ENTPD1: variants seen among roughly 807,000 people sequenced by gnomAD.
The protein encoded by ENTPD1 is ectonucleoside triphosphate diphosphohydrolase 1.
ENTPD1 carries 33 observed loss-of-function variants against 57.0 expected under a neutral mutation model. The ratio of observed to expected loss-of-function variants is 0.58; its 90% CI spans 0.44 to 0.77. The LOEUF (loss-of-function observed/expected upper bound fraction) is 0.77. ENTPD1 is among the 30% of genes least tolerant of loss of function. ENTPD1 has a pLI of 0.00. For missense variants in ENTPD1, 501 were observed against 603.4 expected (o/e 0.83, Z 1.78); for synonymous variants, 202 against 218.8 (o/e 0.92, Z 0.68).
At chr10:95,702,462 A>T in the ENTPD1 span, among the ~76,000 whole-genome samples, 1 of 152,124 alleles carries the variant, frequency 6.6e-6, no homozygotes, top group Admixed American at 6.6e-5. Flanking sequence ...AACATGGGAA[A>T]ATGTGTTGAA....
intron 9 of ENTPD1, 24 bp downstream of exon 9, chr10:95,864,885 G>A (rs770748617): frequency 1.2e-6 from 2 of 1,610,822 alleles, no homozygotes; most frequent in Non-Finnish European, 1.7e-6. Flanking sequence ...CTGTTGGGCT[G>A]GGGGGAGGTT....
chr10:95,873,973 C>T lies in ENTPD1; in HGVS notation c.*7590C>T, dbSNP rs758238167. ...TGATTCAATTACCTCCCACTGCGTC[C>T]CTCCCACAACATGTGGGAATTCTGG... On this transcript the variant is annotated 3_prime_UTR_variant, in exon 10 of 10. Transcript: ENST00000371205. 9.2e-5 allele frequency among the ~76,000 whole-genome samples: 14 copies of T among 152,122 alleles called. No homozygotes were observed. Among genetic ancestry groups the T allele is most frequent in the Non-Finnish European group, 1.5e-4 (10 of 68,028 alleles).
At chr10:95,757,454 C>CT (rs2098032382) in intron 1 of ENTPD1, among the ~76,000 whole-genome samples, 1 of 152,070 alleles carries the variant, frequency 6.6e-6, no homozygotes. Flanking sequence ...TGTTTCTCTG[C>CT]TTTTTCTGGT....
intron 1 of ENTPD1, among the ~76,000 whole-genome samples, chr10:95,740,775 C>G (rs2139874618): frequency 6.6e-6 from 1 of 152,354 alleles, no homozygotes; most frequent in East Asian, 1.9e-4. Context: ...TCACCTTGCG[C>G]TTTTACATTA....
At chr10:95,761,655 A>G (rs1274664852) in intron 1 of ENTPD1, among the ~76,000 whole-genome samples, 3 of 152,196 alleles carry the variant, frequency 2.0e-5, no homozygotes, top group African/African-American at 7.2e-5. Flanking sequence ...GCCAAATCCT[A>G]GAAACTGGAA....
intron 1 of ENTPD1, among the ~76,000 whole-genome samples, chr10:95,815,159 C>T (rs1566187354): frequency 6.6e-6 from 1 of 152,130 alleles, no homozygotes; most frequent in Admixed American, 6.5e-5. Flanking sequence ...AGAATAAGAC[C>T]TTTCCATTTA....
upstream of ENTPD1, chr10:95,753,335 A>C (rs2098015156): frequency 6.6e-6 from 1 of 152,218 alleles, no homozygotes; most frequent in Non-Finnish European, 1.5e-5. Context: ...TAGTATTTTC[A>C]TGATGCTGAG....
At chr10:95,736,671 C>T (rs906926408) in intron 1 of ENTPD1, among the ~76,000 whole-genome samples, 2 of 152,100 alleles carry the variant, frequency 1.3e-5, no homozygotes, top group Non-Finnish European at 2.9e-5. Context: ...TGTAGTTATC[C>T]TCCCAACAGC....
At chr10:95,804,863 A>G (rs1366858509) in intron 1 of ENTPD1, among the ~76,000 whole-genome samples, 1 of 152,160 alleles carries the variant, frequency 6.6e-6, no homozygotes, top group Non-Finnish European at 1.5e-5. Context: ...ATCAATACCT[A>G]GTTTATTGAG....
chr10:95,822,528 C>A (rs1685944867), intron 1 of ENTPD1, among the ~76,000 whole-genome samples: 1 of 152,080 alleles, frequency 6.6e-6, no homozygotes, highest in African/African-American at 2.4e-5. Flanking sequence ...AACTGCTGGC[C>A]TTGAGATCCA....
At chr10:95,802,479 T>C (rs964058507) in intron 1 of ENTPD1, among the ~76,000 whole-genome samples, 4 of 152,130 alleles carry the variant, frequency 2.6e-5, no homozygotes, top group Admixed American at 2.6e-4. Context: ...AAATTATGCG[T>C]TAAGTTCTAG....
chr10:95,868,393 G>A lies in ENTPD1; in HGVS notation c.*2010G>A. ...TAATTTAATATCATTCTGTTCATGT[G>A]CTTTGGATGGAAGCACATCTGGCAT... On this transcript the variant is annotated 3_prime_UTR_variant, in exon 10 of 10. Coordinates refer to ENST00000371205, the MANE Select transcript of ENTPD1 (RefSeq NM_001776.6). The A allele has an allele frequency of 1.0e-6, 1 of 985,420 alleles. No homozygotes were observed. Among genetic ancestry groups the A allele is most frequent in the Non-Finnish European group, 1.2e-6 (1 of 829,930 alleles). 61.0% of individuals were successfully genotyped at this position (985,420 alleles called of 1,614,324 possible).
At chr10:95,845,861 G>T (rs979191251) in intron 6 of ENTPD1, 3 of 518,174 alleles carry the variant, frequency 5.8e-6, no homozygotes, top group Non-Finnish European at 1.0e-5. Flanking sequence ...CCCCTCGTGG[G>T]GTTGATAATG....
intron 7 of ENTPD1, among the ~76,000 whole-genome samples, chr10:95,857,918 T>G (rs772914769): frequency 3.9e-5 from 6 of 151,938 alleles, no homozygotes; most frequent in Non-Finnish European, 7.4e-5. Context: ...TCCCAGCACT[T>G]TGGGAGGCCG....
At chr10:95,813,744 T>C (rs1488337671) in intron 1 of ENTPD1, among the ~76,000 whole-genome samples, 1 of 152,184 alleles carries the variant, frequency 6.6e-6, no homozygotes, top group Admixed American at 6.5e-5. Context: ...ATAGCACATT[T>C]TTCTATAGTA....
chr10:95,711,228 C>G (rs1179065417), upstream of ENTPD1, among the ~76,000 whole-genome samples: 1 of 152,158 alleles, frequency 6.6e-6, no homozygotes, highest in East Asian at 1.9e-4. Context: ...CTGACTGTTC[C>G]AGATTGTTGA....
At chr10:95,749,128 A>G (rs756672077) in intron 1 of ENTPD1, among the ~76,000 whole-genome samples, 36 of 152,202 alleles carry the variant, frequency 2.4e-4, no homozygotes, top group Non-Finnish European at 3.7e-4. Context: ...TGATACCCAA[A>G]TGCTACCAAT....
At chr10:95,726,906 G>C (rs757779261) in intron 1 of ENTPD1, among the ~76,000 whole-genome samples, 6 of 152,026 alleles carry the variant, frequency 3.9e-5, no homozygotes, top group Non-Finnish European at 8.8e-5. Context: ...TGAACTTTGT[G>C]CTCCCAGAGA....
chr10:95,820,521 C>T (rs1409546286), intron 1 of ENTPD1, among the ~76,000 whole-genome samples: 2 of 152,150 alleles, frequency 1.3e-5, no homozygotes, highest in African/African-American at 4.8e-5. Context: ...TAATTATAGT[C>T]ACATCAAGTT....
Sources: gnomAD v4.1 joint callset for allele counts (sites outside exome capture counted in the v4.1 genomes callset) on GRCh38, gnomAD v4.1.1 for gene constraint, MANE v1.5 for transcripts, NCBI Gene and HGNC (gene_info 2026-07-23, HGNC 2026-07-21) for gene names.